The following ST3GAL3 variants were observed in gnomAD, a reference collection of about 807,000 sequenced individuals.
ST3GAL3 encodes ST3 beta-galactoside alpha-2,3-sialyltransferase 3.
In ST3GAL3, 21 loss-of-function variants were observed where a neutral mutation model predicts 50.1. The ratio of observed to expected loss-of-function variants is 0.42; its 90% CI spans 0.30 to 0.60. The LOEUF is 0.60. Among genes scored for constraint, ST3GAL3 ranks in the 20% least tolerant of loss-of-function variants. The pLI, the probability that ST3GAL3 is intolerant of heterozygous loss-of-function variation, is 0.19. For synonymous variants in ST3GAL3, 183 were observed against 190.0 expected (o/e 0.96, Z 0.30); for missense variants, 353 against 489.4 (o/e 0.72, Z 2.63).
intron 2 of ST3GAL3, among the ~76,000 whole-genome samples, chr1:43,761,550 CAAAG>C (rs1244428085): frequency 6.6e-6 from 1 of 151,874 alleles, no homozygotes; most frequent in African/African-American, 2.4e-5. Context: ...AAGGAAAAAA[CAAAG>C]GAAGAAAGGA....
intron 3 of ST3GAL3, among the ~76,000 whole-genome samples, chr1:43,797,680 A>G (rs1334818513): frequency 6.6e-6 from 1 of 152,210 alleles, no homozygotes; most frequent in Admixed American, 6.5e-5. Context: ...AGCAAACATC[A>G]TACTTTATGG....
intron 2 of ST3GAL3, among the ~76,000 whole-genome samples, chr1:43,766,292 G>A (rs1297630690): frequency 6.6e-6 from 1 of 152,114 alleles, no homozygotes; most frequent in Non-Finnish European, 1.5e-5. Flanking sequence ...GGGGCATTTA[G>A]GAAGAGAGGT....
In ST3GAL3 at chr1:43,731,378, A is replaced by AT. The variant is rs4019073; in HGVS notation, c.-30-4831dup. 8.7e-3 allele frequency among the ~76,000 whole-genome samples: 605 copies of AT among 69,800 alleles called. 3 individuals are homozygous for AT. Among genetic ancestry groups the AT allele is most frequent in the Non-Finnish European group, 9.8e-3 (355 of 36,202 alleles). 45.8% of individuals were successfully genotyped at this position (69,800 alleles called of 152,430 possible). A position where few individuals can be genotyped will look rare whatever the true frequency, so the allele number is the denominator to read the frequency against. On this transcript the variant is annotated intron_variant, in intron 1 of 11. Transcript: ENST00000347631. ...AGGTGCGTGCCACCGCACCCAGCTA[A>AT]TTTTTTTTTTTTTTTTTTTTTTTTG...
chr1:43,848,454 C>T (rs564531690), intron 5 of ST3GAL3, among the ~76,000 whole-genome samples: 2 of 151,746 alleles, frequency 1.3e-5, no homozygotes, highest in East Asian at 1.9e-4. Flanking sequence ...TACAAGCATG[C>T]GCCACCACAC....
In ST3GAL3 at chr1:43,780,780, T is replaced by C. The variant is rs78552710; in HGVS notation, c.119-11322T>C. Among the ~76,000 whole-genome samples the C allele has an allele frequency of 3.7e-3, 565 of 152,270 alleles. 1 individual carries two copies. Among genetic ancestry groups the C allele is most frequent in the African/African-American group, 0.013 (546 of 41,554 alleles). ...TCCTCCACCTGTTTCACGAATAACATTTCTTCTCTCTGAGGAGTTTAATGA... is the reference window on the plus strand; with the variant it reads ...TCCTCCACCTGTTTCACGAATAACACTTCTTCTCTCTGAGGAGTTTAATGA... On this transcript the variant is annotated intron_variant, in intron 2 of 11. Transcript: ENST00000347631.
intron 1 of ST3GAL3, among the ~76,000 whole-genome samples, chr1:43,734,717 T>C (rs996007295): frequency 1.2e-4 from 18 of 152,214 alleles, no homozygotes; most frequent in Non-Finnish European, 2.4e-4. Flanking sequence ...AACTTCCTAT[T>C]CTAATGATTT....
intron 5 of ST3GAL3, among the ~76,000 whole-genome samples, chr1:43,857,567 CTTT>C (rs2068742706): frequency 7.2e-4 from 46 of 64,056 alleles, no homozygotes; most frequent in East Asian, 2.0e-3. Flanking sequence ...TTCCTTCCTT[CTTT>C]CTTTCCTTCC....
At chr1:43,709,708 G>A (rs188130614) in intron 1 of ST3GAL3, among the ~76,000 whole-genome samples, 90 of 152,058 alleles carry the variant, frequency 5.9e-4, no homozygotes, top group African/African-American at 2.0e-3. Context: ...TTAGCCAGGC[G>A]TGGTGGCAGG....
chr1:43,877,112 C>T (rs1345397126), intron 5 of ST3GAL3, among the ~76,000 whole-genome samples: 1 of 152,148 alleles, frequency 6.6e-6, no homozygotes, highest in East Asian at 1.9e-4. Context: ...ATCAGGTGTT[C>T]AGAGAGAGAG....
At chr1:43,837,223 A>G (rs1465153376) in intron 4 of ST3GAL3, among the ~76,000 whole-genome samples, 1 of 152,186 alleles carries the variant, frequency 6.6e-6, no homozygotes, top group Non-Finnish European at 1.5e-5. Flanking sequence ...ACAAGCACAG[A>G]GGAGGCACTT....
chr1:43,778,644 C>CTTTTTTTTTTT (rs35726867), intron 2 of ST3GAL3, among the ~76,000 whole-genome samples: 5 of 118,702 alleles, frequency 4.2e-5, no homozygotes, highest in East Asian at 2.4e-4. Flanking sequence ...TTCTTTTTTT[C>CTTTTTTTTTTT]TTTTTTTTTT....
At chr1:43,751,414 T>C (rs1366419872) in intron 2 of ST3GAL3, among the ~76,000 whole-genome samples, 1 of 152,152 alleles carries the variant, frequency 6.6e-6, no homozygotes, top group Admixed American at 6.6e-5. Context: ...CACAGATATA[T>C]GTACAGGTGT....
intron 5 of ST3GAL3, among the ~76,000 whole-genome samples, chr1:43,884,361 C>T (rs1348867967): frequency 6.6e-6 from 1 of 152,200 alleles, no homozygotes; most frequent in African/African-American, 2.4e-5. Context: ...GGACCCATCT[C>T]CCATGGAATT....
rs530745205 is a variant in ST3GAL3, at chr1:43,740,410, G to A, written c.118+4030G>A. Among the ~76,000 whole-genome samples, 5 of 151,914 alleles carry A rather than the reference G, an allele frequency of 3.3e-5. No individual in the cohort carries two copies. In the South Asian group the frequency reaches 6.2e-4, roughly 19 times the overall value. On this transcript the variant is annotated intron_variant, in intron 2 of 11. Coordinates refer to ENST00000347631, the MANE Select transcript of ST3GAL3 (RefSeq NM_006279.5). Reference sequence around the variant, plus strand: ...TAGGTCAGTACCTTGTATAGGAGTCGGGTAGTTGCCTCTTTGCAATAGCCC... The same window carrying A: ...TAGGTCAGTACCTTGTATAGGAGTCAGGTAGTTGCCTCTTTGCAATAGCCC...
rs114991205 is a variant in ST3GAL3 at position 43,751,845 on chromosome 1, C to T, written c.118+15465C>T. Among the ~76,000 whole-genome samples the T allele has an allele frequency of 1.7e-3, 255 of 151,576 alleles. 1 individual carries two copies. The highest frequency in any genetic ancestry group is 5.8e-3 in the African/African-American group (239 of 41,328). ...TTTTTTGTTCTGTTTTTTTTTGAGA[C>T]GGAGGTTCTCGTCACCCAGGCTGGA... On this transcript the variant is annotated intron_variant, in intron 2 of 11. Transcript: ENST00000347631.
At chr1:43,785,329 T>C (rs550976153) in intron 2 of ST3GAL3, among the ~76,000 whole-genome samples, 3 of 152,128 alleles carry the variant, frequency 2.0e-5, no homozygotes, top group African/African-American at 7.2e-5. Context: ...GGAGGAGACA[T>C]GTGTTGCTCA....
At chr1:43,815,590 G>C (rs1331593577) in intron 4 of ST3GAL3, among the ~76,000 whole-genome samples, 1 of 152,128 alleles carries the variant, frequency 6.6e-6, no homozygotes, top group Admixed American at 6.5e-5. Flanking sequence ...CTCAGAGCTA[G>C]GCCTAGTAGA....
At chr1:43,859,040 G>A (rs1305074713) in intron 5 of ST3GAL3, among the ~76,000 whole-genome samples, 1 of 152,194 alleles carries the variant, frequency 6.6e-6, no homozygotes, top group African/African-American at 2.4e-5. Flanking sequence ...GGTCTGGGCT[G>A]GAAGAAAACA....
chr1:43,833,879 G>A (rs549497972), intron 4 of ST3GAL3, among the ~76,000 whole-genome samples: 1 of 152,294 alleles, frequency 6.6e-6, no homozygotes, highest in East Asian at 1.9e-4. Context: ...TGGCCAAGGC[G>A]GGCTAAGGGA....
Sources: allele counts gnomAD v4.1 joint callset (sites outside exome capture counted in the v4.1 genomes callset), GRCh38; gene constraint gnomAD v4.1.1; transcripts MANE v1.5; gene names NCBI Gene and HGNC (gene_info 2026-07-23, HGNC 2026-07-21).